USH1C: variants seen among roughly 807,000 people sequenced by gnomAD.
USH1C encodes the protein harmonin.
A neutral mutation model predicts 119.3 loss-of-function variants in USH1C; 90 were observed. The ratio of observed to expected loss-of-function variants is 0.75; its 90% CI spans 0.64 to 0.90. The LOEUF is 0.90. Among genes scored for constraint, USH1C ranks in the 40% least tolerant of loss-of-function variants. The pLI, the probability that USH1C is intolerant of heterozygous loss-of-function variation, is 0.00. For missense variants in USH1C, 1,165 were observed against 1,167.7 expected (o/e 1.00, Z 0.03); for synonymous variants, 465 against 443.3 (o/e 1.05, Z -0.62).
chr11:17,524,515 T>C lies in USH1C; in HGVS notation c.695A>G (p.Gln232Arg). Reference sequence around the variant, plus strand: ...ATGGCTGATAAAGATGCCAGGCTTCTGGATGGGGCCGCTGGAAATGCTGCG... The same window carrying C: ...ATGGCTGATAAAGATGCCAGGCTTCCGGATGGGGCCGCTGGAAATGCTGCG... ...LGCSISSGPI[Q>R]KPGIFISHVK... Residue 232 changes from glutamine to arginine, a missense_variant, in exon 9 of 27, where the codon CAG becomes CGG. Coordinates refer to ENST00000005226, the MANE Select transcript of USH1C (RefSeq NM_153676.4). 1 of 1,565,886 alleles carries C rather than the reference T, an allele frequency of 6.4e-7. No individual in the cohort carries two copies. The highest frequency in any genetic ancestry group is 8.7e-7 in the Non-Finnish European group (1 of 1,153,748).
intron 24 of USH1C, 78 bp from the exon 25 acceptor site, chr11:17,496,891 T>C (rs552087431): frequency 1.3e-6 from 2 of 1,555,900 alleles, no homozygotes; most frequent in Non-Finnish European, 1.8e-6. Context: ...TCCCCATTTC[T>C]GGGCCCCATG....
At chr11:17,516,904 T>C (rs971646339) in intron 14 of USH1C, among the ~76,000 whole-genome samples, 2 of 152,082 alleles carry the variant, frequency 1.3e-5, no homozygotes, top group African/African-American at 4.8e-5. Context: ...CCAGGCCAGA[T>C]AGCCAGTGCA....
intron 14 of USH1C, among the ~76,000 whole-genome samples, chr11:17,518,221 A>G (rs932520146): frequency 6.6e-6 from 1 of 152,260 alleles, no homozygotes; most frequent in Non-Finnish European, 1.5e-5. Context: ...TTTACCCAAC[A>G]GTGGAACCCT....
At chr11:17,513,836 G>GA (rs5789989) in intron 15 of USH1C, among the ~76,000 whole-genome samples, 4,124 of 150,814 alleles carry the variant, frequency 0.027, 182 homozygotes, top group African/African-American at 0.095. Context: ...AAGAAAGAAA[G>GA]AAAAAAAAAA....
intron 20 of USH1C, among the ~76,000 whole-genome samples, chr11:17,504,307 G>C (rs1392750661): frequency 4.6e-5 from 7 of 152,220 alleles, no homozygotes; most frequent in African/African-American, 1.7e-4. Context: ...CTCTCTCCTA[G>C]GGCTGGAGCG....
In USH1C at chr11:17,526,406, C is replaced by T. The variant is rs2133893680; in HGVS notation, c.615G>A (p.Arg205=). 6.2e-7 allele frequency: 1 copy of T among 1,614,112 alleles called. No homozygotes were observed. Among genetic ancestry groups the T allele is most frequent in the East Asian group, 2.2e-5 (1 of 44,874 alleles). The change falls in exon 8 of 27, where the codon CGG becomes CGA. Residue 205 remains arginine (R), a synonymous_variant. Coordinates refer to ENST00000005226, the MANE Select transcript of USH1C (RefSeq NM_153676.4). ...TGAAGACCTTCTTCTCCTTGTTTTC[C>T]CGATTTCCAGGGGAGCCCAGGCTGC... The part of the protein sequence containing the change: ...VRGSLGSPGN[R]ENKEKKVFIS...
chr11:17,521,156 C>T (rs74695229), intron 13 of USH1C, among the ~76,000 whole-genome samples, 162 bp from the exon 14 acceptor site: 35 of 152,200 alleles, frequency 2.3e-4, no homozygotes, highest in African/African-American at 7.2e-4. Flanking sequence ...AGTGTGAACC[C>T]CACCTTGGCA....
At position 17,496,903 on chromosome 11, in the gene USH1C, C is replaced by T. The variant is rs1849270378; in HGVS notation, c.2491-90G>A. ...CCATCCCCATTTCTGGGCCCCATGGCCTAGGATCAGCCAGGCTGCACCTTC... is the reference window on the plus strand; with the variant it reads ...CCATCCCCATTTCTGGGCCCCATGGTCTAGGATCAGCCAGGCTGCACCTTC... On this transcript the variant is annotated intron_variant, in intron 24 of 26. Transcript: ENST00000005226. The T allele has an allele frequency of 2.7e-6, 4 of 1,508,890 alleles. No homozygotes were observed. The Admixed American group carries it at 5.2e-5, about 20-fold the overall frequency. 93.5% of individuals were successfully genotyped at this position (1,508,890 alleles called of 1,614,324 possible). A position where few individuals can be genotyped will look rare whatever the true frequency, so the allele number is the denominator to read the frequency against.
At chr11:17,501,018 C>T (rs1286974438) in intron 23 of USH1C, 33 bp downstream of exon 23, 1 of 1,589,624 alleles carries the variant, frequency 6.3e-7, no homozygotes, top group Admixed American at 1.7e-5. Context: ...ACTGTATCAT[C>T]CCCAAACCTG....
Position 17,531,173 on chromosome 11 carries a change from G to C in USH1C, c.368C>G (p.Ala123Gly), listed in dbSNP as rs748496002. Residue 123 changes from alanine (A) to glycine (G), a missense_variant, in exon 4 of 27, where the codon GCA becomes GGA. Ala to Gly is a moderately conservative substitution (Grantham distance 60, BLOSUM62 0). Coordinates refer to ENST00000005226, the MANE Select transcript of USH1C (RefSeq NM_153676.4). The surrounding 1 kb of genome is among the most constrained non-coding windows in gnomAD (Gnocchi z 4.2). ...GCTCACCTGGAGCCCGACGCTGTCT[G>C]CCTGACCGCCTTTGATGAGGTGGGA... is the stretch of plus-strand genomic sequence containing the variant. ...FISHLIKGGQ[A>G]DSVGLQVGDE... is the part of the protein sequence containing the mutation. The C allele has an allele frequency of 1.2e-6, 2 of 1,614,110 alleles. No individual in the cohort carries two copies. Among genetic ancestry groups the C allele is most frequent in the South Asian group, 2.2e-5 (2 of 91,082 alleles).
chr11:17,516,731 C>A, intron 14 of USH1C: 1 of 294,472 alleles, frequency 3.4e-6, no homozygotes, highest in East Asian at 8.3e-5. Context: ...TGGGTGTCTG[C>A]CTAGAACTGT....
intron 14 of USH1C, among the ~76,000 whole-genome samples, chr11:17,517,872 A>G (rs2133855043): frequency 6.6e-6 from 1 of 152,332 alleles, no homozygotes; most frequent in East Asian, 1.9e-4. Context: ...CCTTGTGCTT[A>G]TCACCCTTGC....
In USH1C at chr11:17,496,767, T is replaced by A; in HGVS notation, c.2537A>T (p.Asp846Val). 3.7e-6 allele frequency: 6 copies of A among 1,614,192 alleles called. No homozygotes were observed. Among genetic ancestry groups the A allele is most frequent in the Non-Finnish European group, 5.1e-6 (6 of 1,180,010 alleles). The change falls in exon 25 of 27, where the codon GAC becomes GTC. Residue 846 changes from aspartate (D) to valine (V), a missense_variant. Physicochemically the swap from Asp to Val is radical, Grantham distance 152 (BLOSUM62 -3). Transcript: ENST00000005226. ...VVAVCPPKEY[D>V]DELASLPSSV... Reference sequence around the variant, plus strand: ...GCTTGCACACACTTACAGCTCATCGTCATACTCCTTTGGGGGGCAGACGGC... The same window carrying A: ...GCTTGCACACACTTACAGCTCATCGACATACTCCTTTGGGGGGCAGACGGC...
intron 25 of USH1C, 62 bp from the exon 26 acceptor site, chr11:17,495,739 C>T (rs1342580199): frequency 6.4e-7 from 1 of 1,560,138 alleles, no homozygotes; most frequent in Admixed American, 1.7e-5. Flanking sequence ...GGCAGAGCTC[C>T]ATGGGGCTTC....
intron 4 of USH1C, 66 bp from the exon 5 acceptor site, chr11:17,527,397 C>T (rs1406812910): frequency 1.6e-6 from 2 of 1,241,252 alleles, no homozygotes; most frequent in South Asian, 1.2e-5. Context: ...GCAGACTCAC[C>T]ACCAGATGCT....
At chr11:17,496,646 G>C (rs1849258346) in intron 25 of USH1C, 112 bp downstream of exon 25, 6 of 1,326,108 alleles carry the variant, frequency 4.5e-6, no homozygotes, top group Non-Finnish European at 1.1e-6. Context: ...GAAGCTGCGT[G>C]CTTGGGCCAT....
At chr11:17,511,792 C>A (rs1278599659) in intron 16 of USH1C, 110 bp downstream of exon 16, 1 of 1,349,256 alleles carries the variant, frequency 7.4e-7, no homozygotes. Flanking sequence ...TCACTCCACC[C>A]TTGTATGCCA....
Position 17,544,339 on chromosome 11 carries a change from G to C in USH1C, c.-32C>G, listed in dbSNP as rs771635424. ...GCCAGGTCCAGCTGCGTCGTTGCAC[G>C]ACCCGTTCCTTCGGGTGCCCGGCTG... On this transcript the variant is annotated 5_prime_UTR_variant, in exon 1 of 27. Coordinates refer to ENST00000005226, the MANE Select transcript of USH1C (RefSeq NM_153676.4). 5 of 1,613,672 alleles carry C rather than the reference G, an allele frequency of 3.1e-6. No individual in the cohort carries two copies. The highest frequency in any genetic ancestry group is 4.5e-5 in the East Asian group (2 of 44,882).
intron 1 of USH1C, among the ~76,000 whole-genome samples, chr11:17,536,894 A>C (rs1851251969): frequency 6.6e-6 from 1 of 152,246 alleles, no homozygotes; most frequent in Admixed American, 6.5e-5. Flanking sequence ...TTAAATATGA[A>C]TCTAAGTGAT....
Sources: gnomAD v4.1 joint callset for allele counts (sites outside exome capture counted in the v4.1 genomes callset) on GRCh38, gnomAD v4.1.1 for gene constraint, Gnocchi (gnomAD v3.1) non-coding constraint, MANE v1.5 for transcripts, NCBI Gene and HGNC (gene_info 2026-07-23, HGNC 2026-07-21) for gene names.